NKAIN3: variants seen among roughly 807,000 people sequenced by gnomAD.
The protein encoded by NKAIN3 is sodium/potassium transporting ATPase interacting 3.
In NKAIN3, 25 loss-of-function variants were observed where a neutral mutation model predicts 30.2. That is an observed-to-expected ratio of 0.83 (90% CI 0.60 to 1.16). The LOEUF is 1.16. NKAIN3 is among the 50% of genes most tolerant of loss of function. The probability of loss-of-function intolerance (pLI) is 0.00; values close to 1 mark genes in which losing one functional copy is unlikely to be tolerated. For synonymous variants in NKAIN3, 91 were observed against 89.6 expected (o/e 1.02, Z -0.09); for missense variants, 225 against 254.1 (o/e 0.89, Z 0.78).
intron 5 of NKAIN3, among the ~76,000 whole-genome samples, chr8:62,953,449 T>A (rs1033269984): frequency 2.0e-5 from 3 of 151,846 alleles, no homozygotes; most frequent in Admixed American, 1.3e-4. Flanking sequence ...TTTTGGGGAG[T>A]GGCTTGGGGA....
In NKAIN3 at chr8:62,316,985, G is replaced by A. The variant is rs565901900; in HGVS notation, c.54+67858G>A. Among the ~76,000 whole-genome samples, 163 of 152,238 alleles carry A rather than the reference G, an allele frequency of 1.1e-3. 2 individuals carry two copies. The highest frequency in any genetic ancestry group is 4.1e-4 in the Non-Finnish European group (28 of 68,008). ...TCGCCATTCTAACTGGTGTGAAATG[G>A]TATCTCATTGTGGTTTTGATTTGCA... On this transcript the variant is annotated intron_variant, in intron 1 of 6. Coordinates refer to ENST00000623646, the MANE Select transcript of NKAIN3 (RefSeq NM_001304533.3).
At chr8:62,526,873 G>A (rs531146079) in intron 1 of NKAIN3, among the ~76,000 whole-genome samples, 4 of 152,162 alleles carry the variant, frequency 2.6e-5, no homozygotes, top group African/African-American at 7.2e-5. Context: ...TAACAACAAA[G>A]GTCTCTGACA....
At chr8:62,417,756 CATTT>C (rs1443682866) in intron 1 of NKAIN3, among the ~76,000 whole-genome samples, 1 of 151,914 alleles carries the variant, frequency 6.6e-6, no homozygotes, top group Non-Finnish European at 1.5e-5. Context: ...GCCTGTTTGC[CATTT>C]ATTTGTCTTT....
At chr8:62,542,571 AT>A (rs1808878530) in intron 1 of NKAIN3, among the ~76,000 whole-genome samples, 1 of 152,192 alleles carries the variant, frequency 6.6e-6, no homozygotes, top group Admixed American at 6.5e-5. Context: ...GTCATCCACC[AT>A]AAAAAGACCA....
chr8:62,633,053 T>C (rs1376278721), intron 3 of NKAIN3, among the ~76,000 whole-genome samples: 1 of 151,992 alleles, frequency 6.6e-6, no homozygotes, highest in Non-Finnish European at 1.5e-5. Context: ...CCGTGAAGTA[T>C]GGGATTAGAG....
intron 1 of NKAIN3, among the ~76,000 whole-genome samples, chr8:62,378,717 C>CA (rs1380192987): frequency 6.6e-6 from 1 of 152,188 alleles, no homozygotes; most frequent in African/African-American, 2.4e-5. Context: ...GGGGAACCTC[C>CA]ACCTAGATTT....
At chr8:62,802,446 G>A (rs1288871807) in intron 4 of NKAIN3, among the ~76,000 whole-genome samples, 3 of 152,212 alleles carry the variant, frequency 2.0e-5, no homozygotes, top group Admixed American at 6.5e-5. Flanking sequence ...CAAGCCAGAA[G>A]AGAGTGGGGG....
chr8:62,877,198 C>G (rs1820826003), intron 4 of NKAIN3, among the ~76,000 whole-genome samples: 1 of 152,108 alleles, frequency 6.6e-6, no homozygotes, highest in African/African-American at 2.4e-5. Context: ...CTCCTCCTAT[C>G]TTATGGACCC....
intron 1 of NKAIN3, among the ~76,000 whole-genome samples, chr8:62,528,563 C>A (rs1490325037): frequency 6.6e-6 from 1 of 151,702 alleles, no homozygotes; most frequent in Non-Finnish European, 1.5e-5. Context: ...TCTTCTCTCT[C>A]TAAGAAGCTC....
At chr8:62,686,865 T>C (rs909362894) in intron 3 of NKAIN3, among the ~76,000 whole-genome samples, 3 of 152,216 alleles carry the variant, frequency 2.0e-5, no homozygotes, top group Non-Finnish European at 4.4e-5. Context: ...GGTTAATTAC[T>C]TAGCACAAAA....
chr8:62,474,900 T>C (rs1806465084), intron 1 of NKAIN3, among the ~76,000 whole-genome samples: 2 of 152,160 alleles, frequency 1.3e-5, no homozygotes, highest in South Asian at 2.1e-4. Context: ...TTTTAAAAAG[T>C]CAATTAAAAT....
chr8:62,383,282 A>C (rs1429737851), intron 1 of NKAIN3, among the ~76,000 whole-genome samples: 1 of 152,142 alleles, frequency 6.6e-6, no homozygotes, highest in Non-Finnish European at 1.5e-5. Context: ...TATGACCAAA[A>C]GACTGGAAGC....
At chr8:62,712,775 C>T (rs969610102) in intron 3 of NKAIN3, among the ~76,000 whole-genome samples, 1 of 152,198 alleles carries the variant, frequency 6.6e-6, no homozygotes, top group Non-Finnish European at 1.5e-5. Flanking sequence ...TATTACAAAG[C>T]TCAACTAGAG....
At chr8:62,992,057 C>T (rs866987548) in intron 5 of NKAIN3, among the ~76,000 whole-genome samples, 1 of 151,446 alleles carries the variant, frequency 6.6e-6, no homozygotes, top group African/African-American at 2.4e-5. Flanking sequence ...CTCGCTTTGT[C>T]GTCCAGGCTG....
chr8:62,805,023 C>G (rs1239752063), intron 4 of NKAIN3, among the ~76,000 whole-genome samples: 4 of 152,016 alleles, frequency 2.6e-5, no homozygotes, highest in Non-Finnish European at 4.4e-5. Flanking sequence ...AAACATAGAG[C>G]CAAATCATGA....
intron 3 of NKAIN3, among the ~76,000 whole-genome samples, chr8:62,659,756 T>C (rs1325329778): frequency 2.0e-5 from 3 of 152,136 alleles, no homozygotes; most frequent in African/African-American, 4.8e-5. Flanking sequence ...TTTTTATGTG[T>C]TGTGGGAGGG....
chr8:62,966,411 G>A lies in NKAIN3; in HGVS notation c.*1004G>A, dbSNP rs890429847. 6.2e-5 allele frequency: 61 copies of A among 982,504 alleles called. 1 individual carries two copies. The highest frequency in any genetic ancestry group is 5.2e-4 in the Middle Eastern group (1 of 1,932). The allele number at this position is 982,504 out of a possible 1,614,324, so 60.9% of individuals were successfully genotyped here. On this transcript the variant is annotated 3_prime_UTR_variant, in exon 7 of 7. Coordinates refer to ENST00000623646, the MANE Select transcript of NKAIN3 (RefSeq NM_001304533.3). ...TGGAAAAAAGGACTGTCTTGAAAAC[G>A]CATCACAGTTGTATTTTTTTAACTG...
chr8:62,996,200 G>T (rs76455006), intron 5 of NKAIN3, among the ~76,000 whole-genome samples: 3,178 of 152,270 alleles, frequency 0.021, 95 homozygotes, highest in African/African-American at 0.067. Flanking sequence ...CTGCATGACT[G>T]GGGAGGCCTC....
At chr8:62,987,608 A>G (rs576577615), downstream of NKAIN3, among the ~76,000 whole-genome samples, 1 of 152,114 alleles carries the variant, frequency 6.6e-6, no homozygotes, top group African/African-American at 2.4e-5. Context: ...CTAATTTACT[A>G]TCATGAGCAC....
Sources: gnomAD v4.1 joint callset for allele counts (sites outside exome capture counted in the v4.1 genomes callset) on GRCh38, gnomAD v4.1.1 for gene constraint, MANE v1.5 for transcripts, NCBI Gene and HGNC (gene_info 2026-07-23, HGNC 2026-07-21) for gene names.